PRKCE: variants seen among roughly 807,000 people sequenced by gnomAD.
PRKCE encodes the protein protein kinase C epsilon type.
In PRKCE, 16 loss-of-function variants were observed where a neutral mutation model predicts 85.4. The ratio of observed to expected loss-of-function variants is 0.19; its 90% CI spans 0.13 to 0.28. The LOEUF is 0.28. Ranked by LOEUF, PRKCE falls within the 10% of genes least tolerant of loss-of-function variation. The pLI is 1.00. For missense variants in PRKCE, 573 were observed against 975.2 expected (o/e 0.59, Z 5.49); for synonymous variants, 388 against 371.5 (o/e 1.04, Z -0.51).
intron 11 of PRKCE, among the ~76,000 whole-genome samples, chr2:46,134,468 T>C (rs770250386): frequency 2.0e-5 from 3 of 152,158 alleles, no homozygotes; most frequent in Non-Finnish European, 4.4e-5. Flanking sequence ...GGGGTGCCAT[T>C]GAAGAATGCA....
chr2:45,975,851 G>A (rs535670692), intron 2 of PRKCE, among the ~76,000 whole-genome samples: 2 of 152,298 alleles, frequency 1.3e-5, no homozygotes, highest in African/African-American at 2.4e-5. Flanking sequence ...TGACCTCTGG[G>A]AAAATGCTCT....
At chr2:45,966,927 A>G (rs571473885) in intron 2 of PRKCE, among the ~76,000 whole-genome samples, 1 of 152,196 alleles carries the variant, frequency 6.6e-6, no homozygotes, top group African/African-American at 2.4e-5. Context: ...GGAGATAGAG[A>G]GATGCAGGGT....
At chr2:45,795,599 T>C (rs932198616) in intron 1 of PRKCE, among the ~76,000 whole-genome samples, 6 of 152,186 alleles carry the variant, frequency 3.9e-5, no homozygotes, top group African/African-American at 1.4e-4. Flanking sequence ...TGTGAGCCAC[T>C]GCGCCCGGCC....
intron 1 of PRKCE, among the ~76,000 whole-genome samples, chr2:45,831,276 A>G (rs965305125): frequency 1.3e-5 from 2 of 152,262 alleles, no homozygotes; most frequent in African/African-American, 4.8e-5. Context: ...AGGAAAGACG[A>G]TTAGTTTTCA....
chr2:45,788,713 A>T (rs1686809315), intron 1 of PRKCE, among the ~76,000 whole-genome samples: 1 of 152,254 alleles, frequency 6.6e-6, no homozygotes, highest in Non-Finnish European at 1.5e-5. Context: ...TGTGGACATT[A>T]TAACATCAAA....
intron 1 of PRKCE, among the ~76,000 whole-genome samples, chr2:45,788,164 G>A (rs1686760355): frequency 6.6e-6 from 1 of 152,208 alleles, no homozygotes; most frequent in Non-Finnish European, 1.5e-5. Flanking sequence ...GGGATTCTCA[G>A]GGCATGGGTT....
chr2:45,677,917 G>T (rs1331412840), intron 1 of PRKCE: 2 of 984,778 alleles, frequency 2.0e-6, no homozygotes, highest in Non-Finnish European at 2.4e-6. Context: ...GTGGGAACCG[G>T]TAGGAGCATA....
intron 6 of PRKCE, among the ~76,000 whole-genome samples, chr2:45,994,196 C>A (rs923229702): frequency 2.0e-5 from 3 of 152,154 alleles, no homozygotes; most frequent in African/African-American, 7.2e-5. Context: ...TTTCCACAAA[C>A]CTTCTGCCTC....
At chr2:46,011,277 G>A (rs1705649614) in intron 10 of PRKCE, among the ~76,000 whole-genome samples, 1 of 152,196 alleles carries the variant, frequency 6.6e-6, no homozygotes, top group Admixed American at 6.5e-5. Context: ...ACTCCTAGCT[G>A]TGGCTTATGT....
intron 1 of PRKCE, among the ~76,000 whole-genome samples, chr2:45,653,442 G>A (rs1210297036): frequency 9.3e-6 from 1 of 108,064 alleles, no homozygotes; most frequent in East Asian, 3.1e-4. Context: ...GGATTTTTGT[G>A]TTTTCAGGTT....
At chr2:46,024,948 G>A (rs1195274681) in intron 10 of PRKCE, among the ~76,000 whole-genome samples, 2 of 152,140 alleles carry the variant, frequency 1.3e-5, no homozygotes, top group Non-Finnish European at 2.9e-5. Context: ...TTTGCCCAGA[G>A]TTTTATTCCC....
chr2:45,842,917 C>A lies in PRKCE; in HGVS notation c.349-83C>A, dbSNP rs573565362. ...ATGGAGCTGTGTCTCTAGGTTTTAG[C>A]AGTTTGGGGTAGAAATGTTGTGGAA... On this transcript the variant is annotated intron_variant, in intron 1 of 14. Transcript: ENST00000306156. 3.2e-6 allele frequency: 4 copies of A among 1,265,408 alleles called. No homozygotes were observed. The South Asian group carries it at 3.6e-5, about 12-fold the overall frequency. 78.4% of individuals were successfully genotyped at this position (1,265,408 alleles called of 1,614,324 possible).
In PRKCE at chr2:46,004,183, G is replaced by T. The variant is rs991389426; in HGVS notation, c.967-359G>T. On this transcript the variant is annotated intron_variant, in intron 7 of 14. Coordinates refer to ENST00000306156, the MANE Select transcript of PRKCE (RefSeq NM_005400.3). This position sits in a 1 kb window ranked among gnomAD's most constrained non-coding sequence, Gnocchi z 4.1. Reference sequence around the variant, plus strand: ...TAAACCTGGACTACTTTTCCAGCTTGCTAACCTTTATGGTGTCCTCGCACA... The same window carrying T: ...TAAACCTGGACTACTTTTCCAGCTTTCTAACCTTTATGGTGTCCTCGCACA... The T allele has an allele frequency of 6.6e-6, 2 of 300,908 alleles. No homozygotes were observed. The highest frequency in any genetic ancestry group is 3.2e-5 in the South Asian group (1 of 31,424). 18.6% of individuals were successfully genotyped at this position (300,908 alleles called of 1,614,324 possible). A position where few individuals can be genotyped will look rare whatever the true frequency, so the allele number is the denominator to read the frequency against.
chr2:46,043,826 C>T (rs1413712868), intron 10 of PRKCE, among the ~76,000 whole-genome samples: 2 of 152,224 alleles, frequency 1.3e-5, no homozygotes, highest in African/African-American at 4.8e-5. Flanking sequence ...GTTCTGAAAA[C>T]ATGAGTGTTT....
intron 12 of PRKCE, among the ~76,000 whole-genome samples, chr2:46,147,327 C>G (rs796102016): frequency 8.5e-5 from 13 of 152,304 alleles, no homozygotes; most frequent in African/African-American, 3.1e-4. Context: ...TAAGTTGATG[C>G]CATCATTCAT....
intron 10 of PRKCE, among the ~76,000 whole-genome samples, chr2:46,054,053 G>A (rs1666330777): frequency 6.6e-6 from 1 of 152,128 alleles, no homozygotes; most frequent in East Asian, 1.9e-4. Flanking sequence ...CAATCTCTTA[G>A]TGAGATAAGA....
chr2:45,927,472 C>T (rs4952794), intron 2 of PRKCE, among the ~76,000 whole-genome samples: 1 of 152,068 alleles, frequency 6.6e-6, no homozygotes, highest in African/African-American at 2.4e-5. Flanking sequence ...TACCTCCCTC[C>T]AGGTCTCATA....
intron 2 of PRKCE, among the ~76,000 whole-genome samples, chr2:45,952,731 G>A (rs1700709550): frequency 1.3e-5 from 2 of 152,194 alleles, no homozygotes; most frequent in African/African-American, 4.8e-5. Context: ...GGTTTTGATT[G>A]ATGGGAGGGC....
chr2:46,009,283 C>T (rs1352839193), intron 9 of PRKCE, among the ~76,000 whole-genome samples: 1 of 152,012 alleles, frequency 6.6e-6, no homozygotes, highest in Non-Finnish European at 1.5e-5. Context: ...ATAAAACAGG[C>T]TTAGAAAACC....
Sources: gnomAD v4.1 joint callset for allele counts (sites outside exome capture counted in the v4.1 genomes callset) on GRCh38, gnomAD v4.1.1 for gene constraint, Gnocchi (gnomAD v3.1) non-coding constraint, MANE v1.5 for transcripts, NCBI Gene and HGNC (gene_info 2026-07-23, HGNC 2026-07-21) for gene names.